The following MMAA variants were observed in gnomAD, a reference collection of about 807,000 sequenced individuals.
MMAA encodes methylmalonic aciduria type A protein, mitochondrial.
Under a neutral mutation model 45.0 loss-of-function variants are expected in MMAA, and 41 were observed. The observed-to-expected ratio is 0.91, with a 90% CI of 0.71 to 1.18. The LOEUF (loss-of-function observed/expected upper bound fraction) is 1.18. MMAA is among the 50% of genes most tolerant of loss of function. The pLI is 0.00. For missense variants in MMAA, 460 were observed against 495.7 expected (o/e 0.93, Z 0.68); for synonymous variants, 154 against 178.2 (o/e 0.86, Z 1.08).
chr4:145,653,011 A>G (rs1040319275), intron 5 of MMAA, among the ~76,000 whole-genome samples: 2 of 152,098 alleles, frequency 1.3e-5, no homozygotes, highest in East Asian at 3.9e-4. Flanking sequence ...CTGGGACTAC[A>G]GCCATGTGCA....
At chr4:145,619,944 G>A (rs960392631) in intron 1 of MMAA, among the ~76,000 whole-genome samples, 5 of 152,158 alleles carry the variant, frequency 3.3e-5, no homozygotes, top group African/African-American at 1.2e-4. Context: ...ATCTCTTTCA[G>A]CAGAGGGCAT....
rs2126630096 is a variant in MMAA, at chr4:145,655,426, A to G, written c.1249A>G (p.Arg417Gly). 1 of 1,610,658 alleles carries G rather than the reference A, an allele frequency of 6.2e-7. No homozygotes were observed. The highest frequency in any genetic ancestry group is 8.5e-7 in the Non-Finnish European group (1 of 1,178,848). Residue 417 changes from arginine to glycine, a missense_variant, in exon 7 of 7, where the codon AGA becomes GGA. Transcript: ENST00000649156. The part of the protein sequence containing the change: ...ADFLLKAFKS[R>G]D ...CTTCTTGTTAAAAGCTTTTAAAAGC[A>G]GAGACTAATAAAATTCATCCTGTAT...
At chr4:145,641,303 A>G (rs543972595) in intron 2 of MMAA, among the ~76,000 whole-genome samples, 1 of 152,378 alleles carries the variant, frequency 6.6e-6, no homozygotes, top group Non-Finnish European at 1.5e-5. Flanking sequence ...GTTCACAGAT[A>G]ACTTTGTAGT....
chr4:145,642,571 T>TTAA, intron 3 of MMAA, 86 bp downstream of exon 3: 1 of 1,566,858 alleles, frequency 6.4e-7, no homozygotes, highest in South Asian at 1.1e-5. Flanking sequence ...TTGGGTGACC[T>TTAA]CTAACTGCTA....
intron 5 of MMAA, among the ~76,000 whole-genome samples, chr4:145,653,197 GC>G (rs1464677326): frequency 1.3e-5 from 2 of 152,250 alleles, no homozygotes; most frequent in South Asian, 2.1e-4. Flanking sequence ...GTTATACAAT[GC>G]TTCTGTTTCA....
chr4:145,643,305 T>C (rs1430284740), intron 3 of MMAA, among the ~76,000 whole-genome samples: 4 of 152,182 alleles, frequency 2.6e-5, no homozygotes, highest in African/African-American at 9.7e-5. Flanking sequence ...TTAAACTGTG[T>C]TATATAATGG....
intron 2 of MMAA, among the ~76,000 whole-genome samples, chr4:145,640,514 T>C (rs1727753585): frequency 6.6e-6 from 1 of 152,136 alleles, no homozygotes; most frequent in African/African-American, 2.4e-5. Context: ...CATCCTTGGC[T>C]AATTTTTTTT....
intron 1 of MMAA, chr4:145,625,953 T>C: frequency 1.9e-6 from 3 of 1,589,654 alleles, no homozygotes; most frequent in Non-Finnish European, 2.6e-6. Context: ...AATAGCAAGC[T>C]CCAAGTCCCT....
chr4:145,648,354 G>A (rs1727997648), intron 4 of MMAA, among the ~76,000 whole-genome samples: 1 of 151,828 alleles, frequency 6.6e-6, no homozygotes, highest in African/African-American at 2.4e-5. Flanking sequence ...CACCATATTG[G>A]CCAGGCTGGT....
chr4:145,654,461 T>C (rs554914454), intron 6 of MMAA, among the ~76,000 whole-genome samples: 2 of 152,368 alleles, frequency 1.3e-5, no homozygotes, highest in Admixed American at 1.3e-4. Context: ...TGATTATCTA[T>C]ATTGGAATTT....
intron 4 of MMAA, 31 bp from the exon 5 acceptor site, chr4:145,651,031 T>C (rs1003941125): frequency 2.5e-6 from 4 of 1,587,964 alleles, no homozygotes; most frequent in Non-Finnish European, 3.5e-6. Context: ...TGGTGAGTAT[T>C]TTAGGATATA....
chr4:145,639,929 G>A (rs139963201), intron 2 of MMAA: 477 of 724,082 alleles, frequency 6.6e-4, no homozygotes, highest in Non-Finnish European at 6.8e-4. Flanking sequence ...TGAATTCCCT[G>A]TTTTGTTGTC....
intron 3 of MMAA, among the ~76,000 whole-genome samples, chr4:145,643,320 C>T (rs1560797874): frequency 6.6e-6 from 1 of 152,072 alleles, no homozygotes. Flanking sequence ...TAATGGTGAA[C>T]AAGATACAGT....
At chr4:145,634,494 T>C (rs925468969) in intron 1 of MMAA, among the ~76,000 whole-genome samples, 1 of 151,966 alleles carries the variant, frequency 6.6e-6, no homozygotes, top group Non-Finnish European at 1.5e-5. Flanking sequence ...GGTCCAGAAA[T>C]GCCATCCAAG....
At chr4:145,639,818 A>C in intron 2 of MMAA, 2 of 984,686 alleles carry the variant, frequency 2.0e-6, no homozygotes, top group Non-Finnish European at 2.4e-6. Flanking sequence ...CTTTGGCAAG[A>C]ATCTTGCTCT....
Position 145,642,429 on chromosome 4 carries a change from A to T in MMAA, c.506A>T (p.Glu169Val). 6.2e-7 allele frequency: 1 copy of T among 1,614,160 alleles called. No individual in the cohort carries two copies. Among genetic ancestry groups the T allele is most frequent in the Non-Finnish European group, 8.5e-7 (1 of 1,180,006 alleles). ...FIEYFGKMLTERGHKLSVLAV... is the reference protein window; with the variant it reads ...FIEYFGKMLTVRGHKLSVLAV... ...GAATATTTTGGAAAAATGCTTACTGAGAGAGGGCACAAATTATCTGTGCTA... is the reference window on the plus strand; with the variant it reads ...GAATATTTTGGAAAAATGCTTACTGTGAGAGGGCACAAATTATCTGTGCTA... The change falls in exon 3 of 7, where the codon GAG becomes GTG. Residue 169 changes from glutamate to valine, a missense_variant. Coordinates refer to ENST00000649156, the MANE Select transcript of MMAA (RefSeq NM_172250.3).
chr4:145,655,323 C>A lies in MMAA; in HGVS notation c.1146C>A (p.His382Gln). Residue 382 changes from histidine (H) to glutamine (Q), a missense_variant, in exon 7 of 7, where the codon CAC (histidine) becomes CAA (glutamine). Coordinates refer to ENST00000649156, the MANE Select transcript of MMAA (RefSeq NM_172250.3). ...GTGTGTTAGAGCATTTCAGGACCCA[C>A]CCCACAGTCCGGGAACAGATTCCAC... The part of the protein sequence containing the change: ...QESVLEHFRT[H>Q]PTVREQIPLL... The A allele has an allele frequency of 6.2e-7, 1 of 1,614,132 alleles. No homozygotes were observed. Among genetic ancestry groups the A allele is most frequent in the Admixed American group, 1.7e-5 (1 of 60,014 alleles).
At chr4:145,644,732 C>T (rs1026874934) in intron 3 of MMAA, among the ~76,000 whole-genome samples, 1 of 152,184 alleles carries the variant, frequency 6.6e-6, no homozygotes, top group Non-Finnish European at 1.5e-5. Context: ...CTATGTAAGA[C>T]GTGGTCCTGT....
Position 145,655,222 on chromosome 4 carries a change from A to T in MMAA, c.1045A>T (p.Met349Leu). 6.2e-7 allele frequency: 1 copy of T among 1,614,168 alleles called. No homozygotes were observed. Among genetic ancestry groups the T allele is most frequent in the Non-Finnish European group, 8.5e-7 (1 of 1,180,018 alleles). ...TAAAATGAAAGATTTCCAGGACCTA[A>T]TGCTTGCCAGTGGGGAGCTGACTGC... ...WDKMKDFQDL[M>L]LASGELTAKR... Residue 349 changes from methionine to leucine, a missense_variant, in exon 7 of 7, where the codon ATG becomes TTG. By Grantham distance (15) the Met-to-Leu change is conservative. Coordinates refer to ENST00000649156, the MANE Select transcript of MMAA (RefSeq NM_172250.3).
Sources: gnomAD v4.1 joint callset for allele counts (sites outside exome capture counted in the v4.1 genomes callset) on GRCh38, gnomAD v4.1.1 for gene constraint, MANE v1.5 for transcripts, NCBI Gene and HGNC (gene_info 2026-07-23, HGNC 2026-07-21) for gene names.